VEPH1: variants seen among roughly 807,000 people sequenced by gnomAD.
VEPH1 encodes ventricular zone-expressed PH domain-containing protein homolog 1.
Under a neutral mutation model 85.2 loss-of-function variants are expected in VEPH1, and 80 were observed. The ratio of observed to expected loss-of-function variants is 0.94; its 90% CI spans 0.78 to 1.13. The LOEUF is 1.13. Ranked by LOEUF, VEPH1 falls within the 50% of genes most tolerant of loss-of-function variation. The pLI is 0.00. For synonymous variants in VEPH1, 297 were observed against 348.0 expected (o/e 0.85, Z 1.63); for missense variants, 955 against 980.5 (o/e 0.97, Z 0.35).
At chr3:157,379,015 C>T (rs1006493016) in intron 7 of VEPH1, among the ~76,000 whole-genome samples, 1 of 152,218 alleles carries the variant, frequency 6.6e-6, no homozygotes, top group Non-Finnish European at 1.5e-5. Context: ...TAATTCAATG[C>T]TTCATGATGT....
chr3:157,354,549 G>C (rs957825789), intron 9 of VEPH1, among the ~76,000 whole-genome samples: 4 of 151,912 alleles, frequency 2.6e-5, no homozygotes, highest in African/African-American at 9.7e-5. Flanking sequence ...CCTTATTCAT[G>C]TCTCCATTGC....
At chr3:157,299,739 G>T (rs1449840513) in intron 11 of VEPH1, among the ~76,000 whole-genome samples, 1 of 152,174 alleles carries the variant, frequency 6.6e-6, no homozygotes, top group Admixed American at 6.5e-5. Context: ...GAGGCACAAA[G>T]ACATCAAAAT....
intron 9 of VEPH1, among the ~76,000 whole-genome samples, chr3:157,335,158 G>A (rs1205631062): frequency 4.6e-5 from 7 of 152,024 alleles, no homozygotes; most frequent in Admixed American, 4.6e-4. Context: ...TTGGCACTGG[G>A]AAATTGGGAG....
intron 9 of VEPH1, among the ~76,000 whole-genome samples, chr3:157,333,732 C>G (rs565411201): frequency 1.7e-4 from 26 of 152,216 alleles, no homozygotes; most frequent in Non-Finnish European, 3.1e-4. Flanking sequence ...AGGTACCATT[C>G]CATGTGCTAC....
chr3:157,405,403 A>G (rs1731072276), intron 6 of VEPH1, among the ~76,000 whole-genome samples: 1 of 152,150 alleles, frequency 6.6e-6, no homozygotes, highest in African/African-American at 2.4e-5. Context: ...ATAGGATTAC[A>G]TTTACTTATC....
intron 4 of VEPH1, among the ~76,000 whole-genome samples, chr3:157,458,887 C>T (rs546657778): frequency 6.6e-6 from 1 of 152,122 alleles, no homozygotes; most frequent in Non-Finnish European, 1.5e-5. Context: ...GTCCTTCCCC[C>T]ACTGATTATT....
intron 4 of VEPH1, among the ~76,000 whole-genome samples, chr3:157,453,251 A>C (rs1420369945): frequency 6.6e-6 from 1 of 152,214 alleles, no homozygotes; most frequent in Non-Finnish European, 1.5e-5. Flanking sequence ...GAAGTCTGGT[A>C]TGCTCATGGA....
chr3:157,437,118 G>A, intron 4 of VEPH1: 1 of 1,592,356 alleles, frequency 6.3e-7, no homozygotes, highest in Non-Finnish European at 8.6e-7. Context: ...CCACCTCTTG[G>A]TCTAAATAAC....
At chr3:157,500,403 T>G (rs773913120) in intron 1 of VEPH1, among the ~76,000 whole-genome samples, 1 of 152,184 alleles carries the variant, frequency 6.6e-6, no homozygotes, top group Non-Finnish European at 1.5e-5. Context: ...CTAGGGTGTG[T>G]CTACTCAAAG....
At position 157,260,775 on chromosome 3, in the gene VEPH1, T is replaced by C. The variant is rs1224044866; in HGVS notation, c.*359A>G. The C allele has an allele frequency of 5.4e-6, 1 of 184,050 alleles. No individual in the cohort carries two copies. Among genetic ancestry groups the C allele is most frequent in the African/African-American group, 2.4e-5 (1 of 42,000 alleles). The allele number at this position is 184,050 out of a possible 1,614,324, so 11.4% of individuals were successfully genotyped here. A position where few individuals can be genotyped will look rare whatever the true frequency, so the allele number is the denominator to read the frequency against. On this transcript the variant is annotated 3_prime_UTR_variant, in exon 14 of 14. Coordinates refer to ENST00000362010, the MANE Select transcript of VEPH1 (RefSeq NM_001167912.2). ...GCTAATCTTTCCTCAGGATGGAGAG[T>C]TCAGGCATCTTTTCATGTTGTTTTC...
chr3:157,444,472 G>T (rs78882260), intron 4 of VEPH1, among the ~76,000 whole-genome samples: 4,462 of 152,248 alleles, frequency 0.029, 251 homozygotes, highest in African/African-American at 0.1. Context: ...ACGAGGCTAA[G>T]CCTCTAAGAA....
In VEPH1 at chr3:157,472,056, C is replaced by T. The variant is rs118016956; in HGVS notation, c.139-1527G>A. 7.5e-3 allele frequency among the ~76,000 whole-genome samples: 1,149 copies of T among 152,306 alleles called. 22 individuals carry two copies. Among genetic ancestry groups the T allele is most frequent in the East Asian group, 0.067 (347 of 5,180 alleles). ...CATCCGTCCCAGTCCCCTTCCTCAG[C>T]GGGAGCCAGGCTCAGCAAATCCTTA... On this transcript the variant is annotated intron_variant, in intron 2 of 13. Coordinates refer to ENST00000362010, the MANE Select transcript of VEPH1 (RefSeq NM_001167912.2).
chr3:157,474,670 G>C (rs1350149), intron 2 of VEPH1, among the ~76,000 whole-genome samples: 1 of 152,138 alleles, frequency 6.6e-6, no homozygotes, highest in East Asian at 1.9e-4. Flanking sequence ...AGACTTCACA[G>C]GTCTTCATTT....
chr3:157,317,124 T>G lies in VEPH1; in HGVS notation c.1813A>C (p.Ser605Arg). ...GGTTCTTGGCTGATGAGAATAAAACTGGACTTACTGTATAGGCAGTAATGA... is the reference window on the plus strand; with the variant it reads ...GGTTCTTGGCTGATGAGAATAAAACGGGACTTACTGTATAGGCAGTAATGA... ...KGHYCLYSKS[S>R]FILISQEPQP... The change falls in exon 10 of 14, where the codon AGT becomes CGT. Residue 605 changes from serine (S) to arginine (R), a missense_variant. Ser to Arg is a moderately radical substitution (Grantham distance 110). Transcript: ENST00000362010. 6.2e-7 allele frequency: 1 copy of G among 1,613,764 alleles called. No homozygotes were observed.
intron 3 of VEPH1, among the ~76,000 whole-genome samples, chr3:157,460,644 T>C (rs1016727420): frequency 6.6e-6 from 1 of 152,122 alleles, no homozygotes; most frequent in Admixed American, 6.5e-5. Context: ...TCTTGGGGAA[T>C]GTCAAGAAAG....
intron 3 of VEPH1, 139 bp downstream of exon 3, chr3:157,470,175 C>CAAG (rs1736786232): frequency 6.7e-6 from 5 of 746,464 alleles, no homozygotes; most frequent in Non-Finnish European, 8.7e-6. Context: ...TACCGGCCCT[C>CAAG]CCAGCTATTG....
intron 6 of VEPH1, among the ~76,000 whole-genome samples, chr3:157,394,543 G>A (rs1299611357): frequency 6.6e-6 from 1 of 152,144 alleles, no homozygotes; most frequent in Non-Finnish European, 1.5e-5. Context: ...AGGTTTAATT[G>A]GTTCATGGTT....
intron 7 of VEPH1, among the ~76,000 whole-genome samples, chr3:157,365,626 T>G (rs911928003): frequency 6.6e-6 from 1 of 152,176 alleles, no homozygotes; most frequent in African/African-American, 2.4e-5. Context: ...CAAAGGTTCC[T>G]GCACCACCCC....
intron 3 of VEPH1, among the ~76,000 whole-genome samples, chr3:157,461,361 A>AC (rs1394334156): frequency 4.6e-5 from 7 of 152,184 alleles, no homozygotes; most frequent in Non-Finnish European, 1.0e-4. Flanking sequence ...GACTAACTGT[A>AC]GAAAAAAAAA....
Sources: allele counts gnomAD v4.1 joint callset (sites outside exome capture counted in the v4.1 genomes callset), GRCh38; gene constraint gnomAD v4.1.1; transcripts MANE v1.5; gene names NCBI Gene and HGNC (gene_info 2026-07-23, HGNC 2026-07-21).